OCM: variants seen among roughly 807,000 people sequenced by gnomAD.
OCM encodes the protein oncomodulin, also known as oncomodulin-1.
Under a neutral mutation model 14.1 loss-of-function variants are expected in OCM, and 18 were observed. That is an observed-to-expected ratio of 1.28 (90% CI 0.88 to 1.89). OCM has a LOEUF of 1.89. OCM is among the 40% of genes most tolerant of loss of function. The pLI is 0.00. For synonymous variants in OCM, 48 were observed against 51.0 expected, an observed-to-expected ratio of 0.94 and a Z score of 0.25; for missense variants, 140 against 137.6, an observed-to-expected ratio of 1.02 and a Z score of -0.09.
the OCM span, among the ~76,000 whole-genome samples, chr7:5,865,384 C>G: frequency 6.6e-6 from 1 of 152,178 alleles, no homozygotes. Context: ...AATTGCTCCC[C>G]AAATGAGAGA....
rs769725846 is a variant in OCM at position 5,886,049 on chromosome 7, C to T, written c.305-15C>T. The T allele has an allele frequency of 3.7e-6, 6 of 1,614,018 alleles. No individual in the cohort carries two copies. Among genetic ancestry groups the T allele is most frequent in the Non-Finnish European group, 5.1e-6 (6 of 1,180,002 alleles). Reference sequence around the variant, plus strand: ...GCCACCTCCACTGACCCTGTTCTCACCTCTTCTGTTCTAGAATTCCAGGAA... The same window carrying T: ...GCCACCTCCACTGACCCTGTTCTCATCTCTTCTGTTCTAGAATTCCAGGAA... On this transcript the variant is annotated splice_polypyrimidine_tract_variant and intron_variant, in intron 3 of 3. Coordinates refer to ENST00000242104, the MANE Select transcript of OCM (RefSeq NM_001097622.2).
the OCM span, among the ~76,000 whole-genome samples, chr7:5,873,792 ATGAAGT>A: frequency 6.6e-6 from 1 of 152,000 alleles, no homozygotes; most frequent in African/African-American, 2.4e-5. Flanking sequence ...TGAAGAGAAG[ATGAAGT>A]TGAGAGATGT....
upstream of OCM, among the ~76,000 whole-genome samples, chr7:5,874,904 A>T (rs1017065500): frequency 6.6e-6 from 1 of 151,788 alleles, no homozygotes; most frequent in African/African-American, 2.4e-5. Flanking sequence ...CCCAATCTGA[A>T]ACTCTGTCCC....
the OCM span, among the ~76,000 whole-genome samples, chr7:5,870,064 A>G: frequency 1.3e-5 from 2 of 152,134 alleles, no homozygotes; most frequent in Non-Finnish European, 2.9e-5. Flanking sequence ...TATTTTGGGC[A>G]GAGGAGTAGG....
chr7:5,869,987 CAA>C, the OCM span, among the ~76,000 whole-genome samples: 1 of 152,182 alleles, frequency 6.6e-6, no homozygotes, highest in African/African-American at 2.4e-5. Context: ...CCAGCCTTGA[CAA>C]GAGTATTCTC....
upstream of OCM, among the ~76,000 whole-genome samples, chr7:5,877,603 G>C (rs1396606227): frequency 6.6e-6 from 1 of 151,974 alleles, no homozygotes; most frequent in Non-Finnish European, 1.5e-5. Context: ...TGGATCACTT[G>C]AGATCAGGAG....
chr7:5,866,407 AG>A, the OCM span, among the ~76,000 whole-genome samples: 4 of 83,840 alleles, frequency 4.8e-5, no homozygotes, highest in South Asian at 5.0e-4. Context: ...GAAAGAAGGA[AG>A]GGGGGGAGAG....
chr7:5,873,386 T>A, the OCM span, among the ~76,000 whole-genome samples: 6,211 of 151,560 alleles, frequency 0.041, 175 homozygotes, highest in Non-Finnish European at 0.058. Context: ...TCAAAAAAAA[T>A]TTTTTTTTAA....
chr7:5,883,105 G>A (rs2128607006), intron 2 of OCM, among the ~76,000 whole-genome samples: 1 of 152,274 alleles, frequency 6.6e-6, no homozygotes, highest in East Asian at 1.9e-4. Flanking sequence ...GCCTCCCAAA[G>A]TGCTGGGATT....
upstream of OCM, among the ~76,000 whole-genome samples, chr7:5,879,669 T>G (rs1287931934): frequency 6.6e-6 from 1 of 151,598 alleles, no homozygotes; most frequent in Non-Finnish European, 1.5e-5. Flanking sequence ...ATTGAAATCT[T>G]AGTTAAGGTT....
chr7:5,872,718 C>T, the OCM span, among the ~76,000 whole-genome samples: 14 of 152,076 alleles, frequency 9.2e-5, no homozygotes, highest in Non-Finnish European at 1.5e-5. Flanking sequence ...ATCTCAAGTA[C>T]CCAGGGACAC....
At chr7:5,860,344 G>A in the OCM span, among the ~76,000 whole-genome samples, 1 of 148,824 alleles carries the variant, frequency 6.7e-6, no homozygotes. Flanking sequence ...CTCCGTATGT[G>A]TGTGTGTGTA....
At chr7:5,861,891 TA>T in the OCM span, among the ~76,000 whole-genome samples, 1 of 151,988 alleles carries the variant, frequency 6.6e-6, no homozygotes, top group Non-Finnish European at 1.5e-5. Flanking sequence ...CTTTTTAATT[TA>T]AAAAAATTTT....
the OCM span, among the ~76,000 whole-genome samples, chr7:5,866,408 G>C: frequency 1.8e-5 from 2 of 109,452 alleles, no homozygotes; most frequent in Non-Finnish European, 3.5e-5. Context: ...AAAGAAGGAA[G>C]GGGGGGAGAG....
chr7:5,871,922 G>A, the OCM span: 15 of 152,140 alleles, frequency 9.9e-5, no homozygotes, highest in African/African-American at 3.6e-4. Flanking sequence ...TCACCATATT[G>A]ATGCCAAACT....
upstream of OCM, among the ~76,000 whole-genome samples, chr7:5,877,728 G>A (rs1034117621): frequency 1.4e-4 from 20 of 143,884 alleles, no homozygotes; most frequent in East Asian, 3.7e-3. Flanking sequence ...GCTGAGGCAG[G>A]AGAATTGCTT....
At chr7:5,861,986 A>G in the OCM span, among the ~76,000 whole-genome samples, 4 of 152,094 alleles carry the variant, frequency 2.6e-5, no homozygotes, top group Admixed American at 2.6e-4. Flanking sequence ...TACAGCCTCA[A>G]ACTCCTGAGC....
At chr7:5,879,254 G>C (rs1781159641), upstream of OCM, among the ~76,000 whole-genome samples, 1 of 152,138 alleles carries the variant, frequency 6.6e-6, no homozygotes, top group Non-Finnish European at 1.5e-5. Flanking sequence ...CAGAATATTT[G>C]TTTCTGAACA....
chr7:5,884,950 C>A (rs1781302797), intron 3 of OCM, among the ~76,000 whole-genome samples: 1 of 151,934 alleles, frequency 6.6e-6, no homozygotes, highest in Non-Finnish European at 1.5e-5. Flanking sequence ...TGAACCCCAT[C>A]TCTATTGAAA....
Sources: gnomAD v4.1 joint callset for allele counts (sites outside exome capture counted in the v4.1 genomes callset) on GRCh38, gnomAD v4.1.1 for gene constraint, MANE v1.5 for transcripts, NCBI Gene and HGNC (gene_info 2026-07-23, HGNC 2026-07-21) for gene names.